The following MED27 variants were observed in gnomAD, a reference collection of about 807,000 sequenced individuals.
MED27 encodes mediator complex subunit 27.
MED27 carries 30 observed loss-of-function variants against 38.2 expected under a neutral mutation model. The ratio of observed to expected loss-of-function variants is 0.79; its 90% CI spans 0.59 to 1.07. The LOEUF (loss-of-function observed/expected upper bound fraction) is 1.07. Among genes scored for constraint, MED27 ranks in the 50% least tolerant of loss-of-function variants. The pLI is 0.00. For synonymous variants in MED27, 122 were observed against 153.5 expected (o/e 0.79, Z 1.52); for missense variants, 289 against 397.5 (o/e 0.73, Z 2.32).
chr9:132,048,952 C>G (rs982291738), intron 2 of MED27, among the ~76,000 whole-genome samples: 2 of 152,210 alleles, frequency 1.3e-5, no homozygotes, highest in Admixed American at 6.5e-5. Flanking sequence ...CTGTTAAAAG[C>G]AAATAGCACC....
At chr9:132,054,226 A>G (rs1398982415) in intron 2 of MED27, among the ~76,000 whole-genome samples, 1 of 152,068 alleles carries the variant, frequency 6.6e-6, no homozygotes, top group East Asian at 1.9e-4. Context: ...TGTCCTGGCC[A>G]TATTGACGTC....
At position 131,917,972 on chromosome 9, in the gene MED27, C is replaced by T. The variant is rs1248383000; in HGVS notation, c.573+21409G>A. On this transcript the variant is annotated intron_variant, in intron 4 of 7. Coordinates refer to ENST00000292035, the MANE Select transcript of MED27 (RefSeq NM_004269.4). The surrounding 1 kb of genome is among the most constrained non-coding windows in gnomAD (Gnocchi z 4.6). ...ACAGTTTCACCCTGTCTCAAAAAGGCAAGTGCCACCTGTTTCTACCTAGCA... is the reference window on the plus strand; with the variant it reads ...ACAGTTTCACCCTGTCTCAAAAAGGTAAGTGCCACCTGTTTCTACCTAGCA... Among the ~76,000 whole-genome samples the T allele has an allele frequency of 6.6e-6, 1 of 152,206 alleles. No individual in the cohort carries two copies. The highest frequency in any genetic ancestry group is 1.5e-5 in the Non-Finnish European group (1 of 68,034).
At chr9:132,015,851 G>A (rs995472678) in intron 2 of MED27, among the ~76,000 whole-genome samples, 1 of 152,124 alleles carries the variant, frequency 6.6e-6, no homozygotes, top group African/African-American at 2.4e-5. Flanking sequence ...GTAAATAAAA[G>A]ATTCACATGT....
rs1189634679 is a variant in MED27 at position 131,889,244 on chromosome 9, G to C, written c.681+4641C>G. 1.3e-5 allele frequency among the ~76,000 whole-genome samples: 2 copies of C among 152,230 alleles called. No homozygotes were observed. Among genetic ancestry groups the C allele is most frequent in the African/African-American group, 4.8e-5 (2 of 41,456 alleles). ...CCTGGAGACAGCTCTGGCTGTCTTTGAAGGTTTCCTTTGATACCACCATTT... is the reference window on the plus strand; with the variant it reads ...CCTGGAGACAGCTCTGGCTGTCTTTCAAGGTTTCCTTTGATACCACCATTT... On this transcript the variant is annotated intron_variant, in intron 5 of 7. Coordinates refer to ENST00000292035, the MANE Select transcript of MED27 (RefSeq NM_004269.4). This position sits in a 1 kb window ranked among gnomAD's most constrained non-coding sequence, Gnocchi z 4.2.
chr9:132,028,629 C>T (rs1001279277), intron 2 of MED27, among the ~76,000 whole-genome samples: 17 of 152,174 alleles, frequency 1.1e-4, no homozygotes, highest in African/African-American at 4.1e-4. Context: ...AATTTTTATA[C>T]CTTCTTTGGA....
At chr9:132,001,109 A>G (rs900104739) in intron 3 of MED27, among the ~76,000 whole-genome samples, 2 of 152,086 alleles carry the variant, frequency 1.3e-5, no homozygotes, top group African/African-American at 4.8e-5. Flanking sequence ...CAAAGAGAAA[A>G]AAAGAAAAAA....
At chr9:132,029,335 T>C (rs887548716) in intron 2 of MED27, among the ~76,000 whole-genome samples, 1 of 152,216 alleles carries the variant, frequency 6.6e-6, no homozygotes, top group African/African-American at 2.4e-5. Flanking sequence ...TCAGATTTGA[T>C]TGATAAGTAT....
chr9:131,946,824 G>A (rs1457842704), intron 3 of MED27, among the ~76,000 whole-genome samples: 1 of 152,190 alleles, frequency 6.6e-6, no homozygotes, highest in Non-Finnish European at 1.5e-5. Flanking sequence ...TCATGCTTCC[G>A]TCTTTGAGTT....
chr9:131,911,400 A>G (rs969268811), intron 4 of MED27, among the ~76,000 whole-genome samples: 2 of 152,216 alleles, frequency 1.3e-5, no homozygotes, highest in Admixed American at 6.5e-5. Flanking sequence ...TTGCAAGTCA[A>G]CTAGCTTTGC....
At chr9:132,017,319 G>T (rs1832626303) in intron 2 of MED27, among the ~76,000 whole-genome samples, 1 of 152,114 alleles carries the variant, frequency 6.6e-6, no homozygotes, top group African/African-American at 2.4e-5. Flanking sequence ...AGTTCAGAGT[G>T]AATCTACAAA....
rs1831752333 is a variant in MED27, at chr9:131,982,283, G to A, written c.479+32054C>T. Among the ~76,000 whole-genome samples the A allele has an allele frequency of 6.6e-6, 1 of 152,192 alleles. No individual in the cohort carries two copies. The highest frequency in any genetic ancestry group is 6.5e-5 in the Admixed American group (1 of 15,278). On this transcript the variant is annotated intron_variant, in intron 3 of 7. Transcript: ENST00000292035. This position sits in a 1 kb window ranked among gnomAD's most constrained non-coding sequence, Gnocchi z 4.3. Reference sequence around the variant, plus strand: ...CCTGAACTGCCACCTAAGAAGTCCAGCTCTTCTGCTCAAGAGATCACGTGC... The same window carrying A: ...CCTGAACTGCCACCTAAGAAGTCCAACTCTTCTGCTCAAGAGATCACGTGC...
intron 2 of MED27, among the ~76,000 whole-genome samples, chr9:132,039,834 T>G (rs1460255415): frequency 2.0e-5 from 3 of 152,208 alleles, no homozygotes; most frequent in Admixed American, 2.0e-4. Flanking sequence ...GGAGTTTCAC[T>G]GGCTACAAAG....
chr9:131,980,444 A>G (rs948115523), intron 3 of MED27, among the ~76,000 whole-genome samples: 1 of 152,172 alleles, frequency 6.6e-6, no homozygotes, highest in African/African-American at 2.4e-5. Flanking sequence ...AGAGCTGAAA[A>G]CAGACTGGCA....
chr9:132,049,634 A>C, intron 2 of MED27, among the ~76,000 whole-genome samples: 1 of 152,188 alleles, frequency 6.6e-6, no homozygotes, highest in Non-Finnish European at 1.5e-5. Flanking sequence ...CAGCCGGGAA[A>C]CCAGCACAGA....
At chr9:131,892,636 A>G (rs372882448) in intron 5 of MED27, among the ~76,000 whole-genome samples, 2 of 152,086 alleles carry the variant, frequency 1.3e-5, no homozygotes, top group East Asian at 3.9e-4. Context: ...CTTTGAAAAA[A>G]CCCAACAAGA....
chr9:131,920,151 G>A (rs1016732343), intron 4 of MED27, among the ~76,000 whole-genome samples: 2 of 151,986 alleles, frequency 1.3e-5, no homozygotes, highest in South Asian at 2.1e-4. Context: ...ACAATACTTC[G>A]GTGTCTTAAG....
chr9:131,978,623 T>G (rs1326854104), intron 3 of MED27, among the ~76,000 whole-genome samples: 3 of 152,200 alleles, frequency 2.0e-5, no homozygotes, highest in African/African-American at 7.2e-5. Flanking sequence ...TGAGTTTATT[T>G]CAGTGTTCTA....
chr9:131,868,959 C>T (rs1196974028), intron 6 of MED27: 5 of 985,352 alleles, frequency 5.1e-6, no homozygotes, highest in Non-Finnish European at 6.0e-6. Flanking sequence ...CCCTGCTGGG[C>T]GTCTGGCTCA....
At chr9:132,016,688 C>T (rs968474568) in intron 2 of MED27, among the ~76,000 whole-genome samples, 13 of 152,276 alleles carry the variant, frequency 8.5e-5, no homozygotes, top group Admixed American at 1.3e-4. Flanking sequence ...CTCAAGGAAT[C>T]GACTCTCCTT....
Sources: allele counts gnomAD v4.1 joint callset (sites outside exome capture counted in the v4.1 genomes callset), GRCh38; gene constraint gnomAD v4.1.1; non-coding constraint Gnocchi (gnomAD v3.1); transcripts MANE v1.5; gene names NCBI Gene and HGNC (gene_info 2026-07-23, HGNC 2026-07-21).